The following GPC6 variants were observed in gnomAD, a reference collection of about 807,000 sequenced individuals.
The protein encoded by GPC6 is glypican 6.
GPC6 carries 14 observed loss-of-function variants against 55.2 expected under a neutral mutation model. The observed-to-expected ratio is 0.25, with a 90% CI of 0.17 to 0.40. GPC6 has a LOEUF of 0.40. Among genes scored for constraint, GPC6 ranks in the 10% least tolerant of loss-of-function variants. The pLI, the probability that GPC6 is intolerant of heterozygous loss-of-function variation, is 1.00. For synonymous variants in GPC6, 278 were observed against 259.6 expected (o/e 1.07, Z -0.68); for missense variants, 641 against 708.5 (o/e 0.90, Z 1.08).
At chr13:93,303,209 A>C (rs1878740459) in intron 1 of GPC6, among the ~76,000 whole-genome samples, 1 of 152,218 alleles carries the variant, frequency 6.6e-6, no homozygotes, top group African/African-American at 2.4e-5. Context: ...TTGTTTGTGC[A>C]CATAAACTTT....
chr13:94,339,445 TTGAC>T (rs1265303103), intron 6 of GPC6, among the ~76,000 whole-genome samples: 5 of 152,186 alleles, frequency 3.3e-5, no homozygotes, highest in African/African-American at 4.8e-5. Context: ...ACTTATCTCT[TTGAC>T]TGCTCACTCG....
intron 1 of GPC6, among the ~76,000 whole-genome samples, chr13:93,285,834 G>T (rs1878105805): frequency 6.6e-6 from 1 of 151,962 alleles, no homozygotes; most frequent in Non-Finnish European, 1.5e-5. Context: ...TGGAAGTATA[G>T]ATATTCTTAT....
At chr13:93,376,394 T>C (rs1243401325) in intron 1 of GPC6, among the ~76,000 whole-genome samples, 1 of 152,142 alleles carries the variant, frequency 6.6e-6, no homozygotes, top group South Asian at 2.1e-4. Flanking sequence ...ACATTCAGCA[T>C]TGGGTTTTCC....
intron 1 of GPC6, among the ~76,000 whole-genome samples, chr13:93,433,490 G>A (rs1877448763): frequency 6.6e-6 from 1 of 152,148 alleles, no homozygotes; most frequent in Admixed American, 6.5e-5. Context: ...GGTTTTGAAA[G>A]TTAACCAATT....
chr13:93,290,110 C>T (rs773138458), intron 1 of GPC6, among the ~76,000 whole-genome samples: 1 of 152,096 alleles, frequency 6.6e-6, no homozygotes, highest in Non-Finnish European at 1.5e-5. Flanking sequence ...TAACGAGACT[C>T]TTGGTAATCA....
intron 6 of GPC6, among the ~76,000 whole-genome samples, chr13:94,331,389 C>A (rs1017150427): frequency 1.3e-5 from 2 of 152,136 alleles, no homozygotes; most frequent in East Asian, 1.9e-4. Context: ...TGATTTACAG[C>A]AACCCCTAAA....
In GPC6 at chr13:94,253,203, G is replaced by A. The variant is rs547303724; in HGVS notation, c.878-33146G>A. Among the ~76,000 whole-genome samples, 38 of 152,140 alleles carry A rather than the reference G, an allele frequency of 2.5e-4. 1 individual carries two copies. In the South Asian group the frequency reaches 5.2e-3, roughly 21 times the overall value. On this transcript the variant is annotated intron_variant, in intron 4 of 8. Transcript: ENST00000377047. ...CCACACTTACAGAAAATTACTTTCC[G>A]ATGCTCACTAAATGAGAAGGGTTAC...
chr13:94,012,278 G>A (rs996064040), intron 3 of GPC6, among the ~76,000 whole-genome samples: 7 of 151,944 alleles, frequency 4.6e-5, no homozygotes, highest in African/African-American at 1.7e-4. Flanking sequence ...CTTCTTTGAG[G>A]CTTTTCAGAA....
chr13:94,238,042 C>T (rs1289035514), intron 4 of GPC6, among the ~76,000 whole-genome samples: 1 of 152,050 alleles, frequency 6.6e-6, no homozygotes, highest in Non-Finnish European at 1.5e-5. Flanking sequence ...AGATGGATTT[C>T]CTGTGAAGGT....
Position 93,297,150 on chromosome 13 carries a change from C to A in GPC6, c.160+69534C>A, listed in dbSNP as rs1878523568. ...TATATTAATCCCTTACTCTACCCTC[C>A]TACCTTAAAATTAATTCAGTGAGAC... On this transcript the variant is annotated intron_variant, in intron 1 of 8. Transcript: ENST00000377047. Among the ~76,000 whole-genome samples, 4 of 152,188 alleles carry A rather than the reference C, an allele frequency of 2.6e-5. No individual in the cohort carries two copies. The South Asian group carries it at 8.3e-4, about 32-fold the overall frequency.
At chr13:94,281,864 G>A (rs887848071) in intron 4 of GPC6, among the ~76,000 whole-genome samples, 1 of 152,184 alleles carries the variant, frequency 6.6e-6, no homozygotes, top group Non-Finnish European at 1.5e-5. Context: ...ATAATGCCTT[G>A]TAGAAGTTAA....
chr13:94,219,064 C>G (rs751183932), intron 4 of GPC6, among the ~76,000 whole-genome samples: 8 of 152,260 alleles, frequency 5.3e-5, no homozygotes, highest in East Asian at 1.9e-4. Flanking sequence ...GTGTCAGAAG[C>G]ATTACTGTGT....
chr13:93,625,076 G>T (rs1419029141), intron 2 of GPC6, among the ~76,000 whole-genome samples: 2 of 152,142 alleles, frequency 1.3e-5, no homozygotes, highest in African/African-American at 2.4e-5. Context: ...AAAATAAGAT[G>T]AAGTAAAACA....
intron 1 of GPC6, among the ~76,000 whole-genome samples, chr13:93,478,566 C>T (rs1879385785): frequency 6.6e-6 from 1 of 152,132 alleles, no homozygotes; most frequent in Non-Finnish European, 1.5e-5. Flanking sequence ...CAAATACATC[C>T]TCCTCCTTCA....
chr13:93,943,825 T>C (rs1360168807), intron 3 of GPC6, among the ~76,000 whole-genome samples: 1 of 152,216 alleles, frequency 6.6e-6, no homozygotes, highest in South Asian at 2.1e-4. Flanking sequence ...AGGGAATAGC[T>C]GAGGACAAGC....
intron 4 of GPC6, chr13:94,186,797 G>C (rs535953753): frequency 4.6e-5 from 7 of 152,298 alleles, no homozygotes; most frequent in Non-Finnish European, 8.8e-5. Context: ...GCTACTAGTA[G>C]AATTATACCA....
intron 4 of GPC6, among the ~76,000 whole-genome samples, chr13:94,110,463 A>T (rs1363130460): frequency 4.6e-5 from 7 of 152,124 alleles, no homozygotes; most frequent in Non-Finnish European, 7.4e-5. Flanking sequence ...ATGGGGCCGA[A>T]GGGAGATCTT....
In GPC6 at chr13:94,067,577, TTATA is replaced by T. The variant is rs759094796; in HGVS notation, c.877+39684_877+39687del. Among the ~76,000 whole-genome samples, 289 of 130,384 alleles carry T rather than the reference TTATA, an allele frequency of 2.2e-3. 1 individual carries two copies. The highest frequency in any genetic ancestry group is 5.4e-3 in the Admixed American group (66 of 12,238). The allele number at this position is 130,384 out of a possible 152,430, so 85.5% of individuals were successfully genotyped here. ...AGTCCATGAGAGATAGATAGATAGA[TTATA>T]GATAGATAGATAGATAGATAGATAG... On this transcript the variant is annotated intron_variant, in intron 4 of 8. Coordinates refer to ENST00000377047, the MANE Select transcript of GPC6 (RefSeq NM_005708.5).
intron 6 of GPC6, among the ~76,000 whole-genome samples, chr13:94,342,674 C>A (rs972218684): frequency 2.0e-5 from 3 of 152,178 alleles, no homozygotes; most frequent in Non-Finnish European, 4.4e-5. Context: ...AAGCTAAGAA[C>A]TGGAATCCCA....
Sources: allele counts gnomAD v4.1 joint callset (sites outside exome capture counted in the v4.1 genomes callset), GRCh38; gene constraint gnomAD v4.1.1; transcripts MANE v1.5; gene names NCBI Gene and HGNC (gene_info 2026-07-23, HGNC 2026-07-21).